The following MYCBP2 variants were observed in gnomAD, a reference collection of about 807,000 sequenced individuals.
MYCBP2 encodes the protein E3 ubiquitin-protein ligase MYCBP2.
A neutral mutation model predicts 525.3 loss-of-function variants in MYCBP2; 120 were observed. The observed-to-expected ratio is 0.23, with a 90% CI of 0.20 to 0.27. The LOEUF is 0.27. Among genes scored for constraint, MYCBP2 ranks in the 10% least tolerant of loss-of-function variants. MYCBP2 has a pLI of 1.00. For missense variants in MYCBP2, 4,149 were observed against 5,657.1 expected, an observed-to-expected ratio of 0.73 and a Z score of 8.55; for synonymous variants, 1,894 against 1,955.8, an observed-to-expected ratio of 0.97 and a Z score of 0.83.
chr13:77,195,316 G>T (rs1448707218), intron 26 of MYCBP2, among the ~76,000 whole-genome samples: 2 of 152,094 alleles, frequency 1.3e-5, no homozygotes, highest in Non-Finnish European at 1.5e-5. Flanking sequence ...TCTGAAATAG[G>T]CCAGGCCTGG....
chr13:77,136,365 T>C (rs886938338), intron 52 of MYCBP2, among the ~76,000 whole-genome samples: 6 of 152,230 alleles, frequency 3.9e-5, no homozygotes, highest in African/African-American at 1.2e-4. Flanking sequence ...TCTTTAACTA[T>C]AGTGCATTCA....
Position 77,177,760 on chromosome 13 carries a change from C to G in MYCBP2, c.5328G>C (p.Val1776=), listed in dbSNP as rs1276376871. ...GGGIHEYELE[V]LVDDSEHAGD... ...GGGTGATACTTACATCATCAACCAA[C>G]ACCTCTAATTCATATTCATGAATTC... Residue 1776 remains valine (V), a synonymous_variant, in exon 35 of 83, where the codon GTG becomes GTC. Transcript: ENST00000544440. 1 of 1,612,926 alleles carries G rather than the reference C, an allele frequency of 6.2e-7. No individual in the cohort carries two copies. The highest frequency in any genetic ancestry group is 1.1e-5 in the South Asian group (1 of 91,066).
intron 32 of MYCBP2, among the ~76,000 whole-genome samples, chr13:77,183,679 G>A (rs1180973143): frequency 6.8e-6 from 1 of 147,800 alleles, no homozygotes; most frequent in Non-Finnish European, 1.5e-5. Context: ...AGCCTCCCGA[G>A]TAGCTGAGAT....
At chr13:77,149,002 T>C (rs2056065169) in intron 47 of MYCBP2, among the ~76,000 whole-genome samples, 1 of 152,126 alleles carries the variant, frequency 6.6e-6, no homozygotes. Context: ...TCTATTTTTA[T>C]ATTCGGAGTA....
intron 59 of MYCBP2, 99 bp from the exon 60 acceptor site, chr13:77,090,362 T>G: frequency 1.0e-6 from 1 of 997,448 alleles, no homozygotes; most frequent in South Asian, 2.5e-5. Flanking sequence ...ATATTTCATG[T>G]GGAGAAACAA....
chr13:77,261,104 A>G, intron 12 of MYCBP2, 67 bp downstream of exon 12: 1 of 1,295,310 alleles, frequency 7.7e-7, no homozygotes, highest in Admixed American at 2.2e-5. Flanking sequence ...TTATCTTAAT[A>G]AAGTTTTATT....
At chr13:77,070,608 C>G (rs1788975658) in intron 69 of MYCBP2, 23 bp downstream of exon 69, 4 of 1,525,230 alleles carry the variant, frequency 2.6e-6, no homozygotes, top group Non-Finnish European at 3.6e-6. Context: ...CTAATGAAGA[C>G]AATGAAATAG....
chr13:77,058,802 T>C lies in MYCBP2; in HGVS notation c.13141-396A>G, dbSNP rs1284676555. ...GAGTTTGAGACCAGCCTGACCAATA[T>C]GGTGAAACCCCATCTCTACTAAAAA... On this transcript the variant is annotated intron_variant, in intron 77 of 82. Coordinates refer to ENST00000544440, the MANE Select transcript of MYCBP2 (RefSeq NM_015057.5). The surrounding 1 kb of genome is among the most constrained non-coding windows in gnomAD (Gnocchi z 4.1). 6.6e-6 allele frequency among the ~76,000 whole-genome samples: 1 copy of C among 152,028 alleles called. No individual in the cohort carries two copies. The highest frequency in any genetic ancestry group is 1.5e-5 in the Non-Finnish European group (1 of 68,008).
intron 20 of MYCBP2, among the ~76,000 whole-genome samples, chr13:77,223,290 G>C (rs901769462): frequency 6.6e-6 from 1 of 152,088 alleles, no homozygotes; most frequent in African/African-American, 2.4e-5. Context: ...CTCAGCTTGG[G>C]GACACATCAC....
chr13:77,257,859 C>T, intron 13 of MYCBP2, 30 bp from the exon 14 acceptor site: 2 of 1,574,656 alleles, frequency 1.3e-6, no homozygotes, highest in Non-Finnish European at 1.7e-6. Flanking sequence ...TTAGTAAAAA[C>T]AACAAAAAGG....
At chr13:77,173,321 G>A (rs201604251) in intron 37 of MYCBP2, among the ~76,000 whole-genome samples, 22 of 152,302 alleles carry the variant, frequency 1.4e-4, no homozygotes, top group East Asian at 1.3e-3. Context: ...TCTGAAACAC[G>A]TAACTCTTAC....
At chr13:77,120,005 ATTTAT>A (rs2050414415) in intron 55 of MYCBP2, among the ~76,000 whole-genome samples, 1 of 152,184 alleles carries the variant, frequency 6.6e-6, no homozygotes, top group Non-Finnish European at 1.5e-5. Flanking sequence ...AAACATTTAT[ATTTAT>A]TTTAATGATA....
Position 77,262,038 on chromosome 13 carries a change from A to G in MYCBP2, c.1647+15T>C. 1 of 1,603,064 alleles carries G rather than the reference A, an allele frequency of 6.2e-7. No homozygotes were observed. Among genetic ancestry groups the G allele is most frequent in the Non-Finnish European group, 8.5e-7 (1 of 1,172,494 alleles). On this transcript the variant is annotated intron_variant, in intron 11 of 82. Coordinates refer to ENST00000544440, the MANE Select transcript of MYCBP2 (RefSeq NM_015057.5). ...TCAGAGAATGCTCATTTTTAATCCA[A>G]AGAGAATAATTTACCTTTCCATTTG...
chr13:77,070,593 CAA>C, intron 69 of MYCBP2, 36 bp downstream of exon 69: 1 of 1,429,388 alleles, frequency 7.0e-7, no homozygotes, highest in South Asian at 1.2e-5. Context: ...CACACACACA[CAA>C]AACTAATGAA....
chr13:77,176,550 C>A lies in MYCBP2; in HGVS notation c.5419G>T (p.Asp1807Tyr). The A allele has an allele frequency of 6.2e-7, 1 of 1,601,168 alleles. No homozygotes were observed. The highest frequency in any genetic ancestry group is 8.5e-7 in the Non-Finnish European group (1 of 1,171,668). ...ATCTCAGCTATATCACTGGGTGAGTCATCCGTTGTGTACGTTCCTTTCACT... is the reference window on the plus strand; with the variant it reads ...ATCTCAGCTATATCACTGGGTGAGTAATCCGTTGTGTACGTTCCTTTCACT... ...ELVKGTYTTD[D>Y]SPSDIAEIRL... is the part of the protein sequence containing the mutation. The change falls in exon 36 of 83, where the codon GAC becomes TAC. Residue 1807 changes from aspartate (D) to tyrosine (Y), a missense_variant. Around this residue, in one of 21 missense-constraint regions of MYCBP2, gnomAD observed 109 missense variants for 118.9 expected, o/e 0.92. Transcript: ENST00000544440.
At chr13:77,302,092 T>C (rs2078870619) in intron 1 of MYCBP2, among the ~76,000 whole-genome samples, 1 of 151,916 alleles carries the variant, frequency 6.6e-6, no homozygotes, top group Non-Finnish European at 1.5e-5. Flanking sequence ...ATTCATATAA[T>C]TGGAATCCCA....
Position 77,098,703 on chromosome 13 carries a change from A to G in MYCBP2, c.8451T>C (p.Ser2817=). The G allele has an allele frequency of 2.5e-6, 4 of 1,613,542 alleles. No homozygotes were observed. The highest frequency in any genetic ancestry group is 3.4e-6 in the Non-Finnish European group (4 of 1,179,764). The change falls in exon 56 of 83, where the codon TCT becomes TCC. Residue 2817 remains serine, a synonymous_variant. Coordinates refer to ENST00000544440, the MANE Select transcript of MYCBP2 (RefSeq NM_015057.5). ...TCTTTGGCTTAGGAGATGACAACCG[A>G]GAACCTGGTCCTGGGGATTCAGCTC... The part of the protein sequence containing the change: ...SSRAESPGPG[S]RLSSPKPKTL...
Position 77,188,974 on chromosome 13 carries a change from A to T in MYCBP2, c.4228T>A (p.Ser1410Thr). The T allele has an allele frequency of 6.2e-7, 1 of 1,603,882 alleles. No individual in the cohort carries two copies. The highest frequency in any genetic ancestry group is 8.5e-7 in the Non-Finnish European group (1 of 1,176,144). The stretch of plus-strand genomic sequence containing the variant: ...ACCACTGAGACAGTTCTTGCAAAAG[A>T]CCTCTTTAAAATGTGTACAGGTTCA... ...TSEPVHILKR[S>T]FARTVSVECF... Residue 1410 changes from serine (S) to threonine (T), a missense_variant, in exon 30 of 83, where the codon TCT becomes ACT. By Grantham distance (58) the Ser-to-Thr change is moderately conservative. This residue lies in a region of MYCBP2 where 292 missense variants were observed against 330.5 expected (regional missense o/e 0.88). Coordinates refer to ENST00000544440, the MANE Select transcript of MYCBP2 (RefSeq NM_015057.5).
chr13:77,205,755 T>C (rs1242725852), intron 24 of MYCBP2, among the ~76,000 whole-genome samples, 157 bp from the exon 25 acceptor site: 6 of 152,174 alleles, frequency 3.9e-5, no homozygotes, highest in Non-Finnish European at 7.4e-5. Context: ...TTAAAACCAA[T>C]ACAAATTATC....
Sources: gnomAD v4.1 joint callset for allele counts (sites outside exome capture counted in the v4.1 genomes callset) on GRCh38, gnomAD v4.1.1 for gene constraint, gnomAD v4.1.1 regional missense constraint, Gnocchi (gnomAD v3.1) non-coding constraint, MANE v1.5 for transcripts, NCBI Gene and HGNC (gene_info 2026-07-23, HGNC 2026-07-21) for gene names.